PCDHGB7: variants seen among roughly 807,000 people sequenced by gnomAD.
The protein encoded by PCDHGB7 is protocadherin gamma-B7.
Under a neutral mutation model 61.4 loss-of-function variants are expected in PCDHGB7, and 37 were observed. That is an observed-to-expected ratio of 0.60 (90% CI 0.46 to 0.79). The LOEUF (loss-of-function observed/expected upper bound fraction) is 0.79. Among genes scored for constraint, PCDHGB7 ranks in the 30% least tolerant of loss-of-function variants. The pLI, the probability that PCDHGB7 is intolerant of heterozygous loss-of-function variation, is 0.00. For synonymous variants in PCDHGB7, 464 were observed against 503.5 expected, an observed-to-expected ratio of 0.92 and a Z score of 1.05; for missense variants, 1,166 against 1,202.5, an observed-to-expected ratio of 0.97 and a Z score of 0.45.
Position 141,486,657 on chromosome 5 carries a change from T to C in PCDHGB7, c.2416-8150T>C. Reference sequence around the variant, plus strand: ...AATGCGCTTATCTCCTACTCACTCCTGGAGCCCAGGAATCGAGATGTATCA... The same window carrying C: ...AATGCGCTTATCTCCTACTCACTCCCGGAGCCCAGGAATCGAGATGTATCA... On this transcript the variant is annotated intron_variant, in intron 1 of 3. Transcript: ENST00000398594. The surrounding 1 kb of genome is among the most constrained non-coding windows in gnomAD (Gnocchi z 5.0). The C allele has an allele frequency of 6.2e-7, 1 of 1,614,010 alleles. No individual in the cohort carries two copies. Among genetic ancestry groups the C allele is most frequent in the Non-Finnish European group, 8.5e-7 (1 of 1,180,030 alleles).
At chr5:141,473,801 T>C (rs1593456345) in intron 1 of PCDHGB7, among the ~76,000 whole-genome samples, 1 of 152,226 alleles carries the variant, frequency 6.6e-6, no homozygotes, top group East Asian at 1.9e-4. Flanking sequence ...ATGATGCTAC[T>C]GAGGAGCAGC....
Position 141,417,940 on chromosome 5 carries a change from C to A in PCDHGB7, c.81C>A (p.Pro27=). Residue 27 remains proline, a synonymous_variant, in exon 1 of 4, where the codon CCC becomes CCA. Coordinates refer to ENST00000398594, the MANE Select transcript of PCDHGB7 (RefSeq NM_018927.4). ...LFPLLLPLFY[P]TLCEPIRYSI... ...CTTTGCTGCTGCCTTTGTTCTACCC[C>A]ACGCTGTGTGAGCCGATCCGCTACT... 1.2e-6 allele frequency: 2 copies of A among 1,613,054 alleles called. No individual in the cohort carries two copies. Among genetic ancestry groups the A allele is most frequent in the Non-Finnish European group, 1.7e-6 (2 of 1,179,364 alleles).
chr5:141,495,603 C>T (rs2099762369), intron 2 of PCDHGB7, among the ~76,000 whole-genome samples: 1 of 152,238 alleles, frequency 6.6e-6, no homozygotes, highest in Non-Finnish European at 1.5e-5. Flanking sequence ...TAGCTTCCGT[C>T]TTGATTGCTG....
intron 1 of PCDHGB7, chr5:141,428,018 C>T (rs771831423): frequency 1.9e-6 from 3 of 1,604,570 alleles, no homozygotes; most frequent in Non-Finnish European, 2.6e-6. Flanking sequence ...TAGTGCCACG[C>T]GCCGCAGAGT....
intron 2 of PCDHGB7, among the ~76,000 whole-genome samples, chr5:141,495,223 G>T (rs924599140): frequency 6.6e-6 from 1 of 152,208 alleles, no homozygotes; most frequent in South Asian, 2.1e-4. Flanking sequence ...CCTGAGTTGA[G>T]CTGGGCTCCA....
At chr5:141,468,748 C>T (rs2099176836) in intron 1 of PCDHGB7, among the ~76,000 whole-genome samples, 1 of 151,866 alleles carries the variant, frequency 6.6e-6, no homozygotes, top group South Asian at 2.1e-4. Context: ...TGCCTGTAGT[C>T]CCAGCTACTC....
intron 1 of PCDHGB7, among the ~76,000 whole-genome samples, chr5:141,482,056 G>A (rs1271837619): frequency 1.3e-5 from 2 of 149,012 alleles, no homozygotes; most frequent in Non-Finnish European, 3.0e-5. Context: ...TTGCATTCCA[G>A]CCTGGGCAAC....
rs1360124362 is a variant in PCDHGB7 at position 141,489,688 on chromosome 5, G to A, written c.2416-5119G>A. On this transcript the variant is annotated intron_variant, in intron 1 of 3. Coordinates refer to ENST00000398594, the MANE Select transcript of PCDHGB7 (RefSeq NM_018927.4). This position sits in a 1 kb window ranked among gnomAD's most constrained non-coding sequence, Gnocchi z 4.5. The stretch of plus-strand genomic sequence containing the variant: ...CATCTCAGAATCAGCAGCATCTGGG[G>A]CACGATTCCCACTGGACAGTGCCCA... 6.2e-7 allele frequency: 1 copy of A among 1,614,150 alleles called. No homozygotes were observed. Among genetic ancestry groups the A allele is most frequent in the Non-Finnish European group, 8.5e-7 (1 of 1,180,012 alleles).
chr5:141,422,643 C>T, intron 1 of PCDHGB7: 1 of 1,612,336 alleles, frequency 6.2e-7, no homozygotes, highest in Non-Finnish European at 8.5e-7. Flanking sequence ...GTGCCTCCAT[C>T]TTCTCAGTGA....
At chr5:141,496,994 T>A (rs2099773177) in intron 2 of PCDHGB7, among the ~76,000 whole-genome samples, 1 of 151,862 alleles carries the variant, frequency 6.6e-6, no homozygotes, top group Non-Finnish European at 1.5e-5. Flanking sequence ...GAGACCAGCC[T>A]GGCAGCCAAC....
At chr5:141,429,929 T>A (rs2097253197) in intron 1 of PCDHGB7, among the ~76,000 whole-genome samples, 1 of 152,240 alleles carries the variant, frequency 6.6e-6, no homozygotes, top group African/African-American at 2.4e-5. Flanking sequence ...AATAGAATTC[T>A]GGAGTACTTC....
Position 141,418,441 on chromosome 5 carries a change from A to G in PCDHGB7, c.582A>G (p.Leu194=), listed in dbSNP as rs2096258419. ...CTGATGGTGGCAAATATCCAGAATT[A>G]GTATTGCAGAAGACTCTGGACCGAG... ...DNPDGGKYPE[L]VLQKTLDRET... is the part of the protein sequence containing the mutation. Residue 194 remains leucine, a synonymous_variant, in exon 1 of 4, where the codon TTA becomes TTG. Transcript: ENST00000398594. The G allele has an allele frequency of 1.9e-6, 3 of 1,614,000 alleles. No homozygotes were observed. The highest frequency in any genetic ancestry group is 1.1e-5 in the South Asian group (1 of 91,090).
intron 1 of PCDHGB7, among the ~76,000 whole-genome samples, chr5:141,470,212 C>A (rs756256854): frequency 2.0e-5 from 3 of 152,116 alleles, no homozygotes; most frequent in Non-Finnish European, 4.4e-5. Context: ...AAGGCTAAAC[C>A]ATTCAGCTTC....
chr5:141,497,954 G>A (rs1203635313), intron 2 of PCDHGB7, among the ~76,000 whole-genome samples: 7 of 152,198 alleles, frequency 4.6e-5, no homozygotes, highest in Non-Finnish European at 1.5e-5. Context: ...CTTTCTGTTG[G>A]CCAGGCAGTG....
chr5:141,502,027 C>T (rs547850211), intron 2 of PCDHGB7, among the ~76,000 whole-genome samples: 6 of 152,274 alleles, frequency 3.9e-5, no homozygotes, highest in African/African-American at 9.6e-5. Flanking sequence ...CTGCAACCCC[C>T]GCCGCTTGCC....
At position 141,487,198 on chromosome 5, in the gene PCDHGB7, T is replaced by A; in HGVS notation, c.2416-7609T>A. The A allele has an allele frequency of 1.2e-6, 2 of 1,613,854 alleles. No individual in the cohort carries two copies. The highest frequency in any genetic ancestry group is 1.7e-6 in the Non-Finnish European group (2 of 1,179,722). ...AAGACACTCATCCAGTTGTCCCAGATCTTCGAGAATCTTCAGCTCCAAGGG... is the reference window on the plus strand; with the variant it reads ...AAGACACTCATCCAGTTGTCCCAGAACTTCGAGAATCTTCAGCTCCAAGGG... On this transcript the variant is annotated intron_variant, in intron 1 of 3. Transcript: ENST00000398594. The surrounding 1 kb of genome is among the most constrained non-coding windows in gnomAD (Gnocchi z 5.0).
At chr5:141,422,209 C>G (rs1463323983) in intron 1 of PCDHGB7, 1 of 1,561,666 alleles carries the variant, frequency 6.4e-7, no homozygotes, top group East Asian at 2.2e-5. Context: ...TGGTGGAGGT[C>G]TCTTTACCAC....
chr5:141,445,456 T>A (rs921684111), intron 1 of PCDHGB7, among the ~76,000 whole-genome samples: 8 of 152,218 alleles, frequency 5.3e-5, no homozygotes, highest in Non-Finnish European at 1.0e-4. Flanking sequence ...GATGCAGCAA[T>A]GAACAAGGCA....
intron 1 of PCDHGB7, among the ~76,000 whole-genome samples, chr5:141,437,573 G>A (rs923321760): frequency 1.3e-5 from 2 of 152,164 alleles, no homozygotes; most frequent in African/African-American, 4.8e-5. Flanking sequence ...GAGTATAGCT[G>A]TGATCATGAA....
Sources: gnomAD v4.1 joint callset for allele counts (sites outside exome capture counted in the v4.1 genomes callset) on GRCh38, gnomAD v4.1.1 for gene constraint, Gnocchi (gnomAD v3.1) non-coding constraint, MANE v1.5 for transcripts, NCBI Gene and HGNC (gene_info 2026-07-23, HGNC 2026-07-21) for gene names.